Variants in DDX6 observed in about 807,000 individuals in gnomAD.
DDX6 encodes probable ATP-dependent RNA helicase DDX6.
A neutral mutation model predicts 60.6 loss-of-function variants in DDX6; 7 were observed. That is an observed-to-expected ratio of 0.12 (90% CI 0.07 to 0.22). The LOEUF is 0.22. Ranked by LOEUF, DDX6 falls within the 10% of genes least tolerant of loss-of-function variation. DDX6 has a pLI of 1.00. For missense variants in DDX6, 270 were observed against 589.9 expected, an observed-to-expected ratio of 0.46 and a Z score of 5.62; for synonymous variants, 207 against 201.0, an observed-to-expected ratio of 1.03 and a Z score of -0.25.
Position 118,748,769 on chromosome 11 carries a change from AACC to A in DDX6, c.*3333_*3335del, listed in dbSNP as rs1248799930. 6.6e-6 allele frequency: 1 copy of A among 151,480 alleles called. No homozygotes were observed. The highest frequency in any genetic ancestry group is 1.5e-5 in the Non-Finnish European group (1 of 67,876). The allele number at this position is 151,480 out of a possible 1,614,324, so 9.4% of individuals were successfully genotyped here. ...ATTAAAAAAAAAAATTAAAAAATTA[AACC>A]ACGTCATCAGAATGAGATGTTTTGA... On this transcript the variant is annotated 3_prime_UTR_variant, in exon 14 of 14. Transcript: ENST00000534980.
chr11:118,787,031 A>C (rs1862097555), intron 1 of DDX6: 1 of 152,158 alleles, frequency 6.6e-6, no homozygotes, highest in Non-Finnish European at 1.5e-5. Flanking sequence ...TGCCCTTACA[A>C]ATTTCAACTA....
chr11:118,755,524 T>A (rs782058280), intron 11 of DDX6, 21 bp from the exon 12 acceptor site: 2 of 1,337,034 alleles, frequency 1.5e-6, no homozygotes, highest in South Asian at 2.4e-5. Flanking sequence ...AAAAGATAAT[T>A]TTCATTTTTT....
At chr11:118,758,444 G>A (rs1398422973) in intron 9 of DDX6, among the ~76,000 whole-genome samples, 1 of 152,004 alleles carries the variant, frequency 6.6e-6, no homozygotes, top group Non-Finnish European at 1.5e-5. Flanking sequence ...TGCAATCTCA[G>A]CTCACTGCAG....
intron 3 of DDX6, among the ~76,000 whole-genome samples, chr11:118,780,806 T>C (rs1348397090): frequency 6.6e-6 from 1 of 152,224 alleles, no homozygotes; most frequent in Non-Finnish European, 1.5e-5. Flanking sequence ...AAATTCTTTG[T>C]TGTAAAGGGC....
intron 4 of DDX6, among the ~76,000 whole-genome samples, chr11:118,770,973 A>G (rs187991344): frequency 6.6e-6 from 1 of 152,284 alleles, no homozygotes; most frequent in East Asian, 1.9e-4. Flanking sequence ...ATTAAGGTAA[A>G]GCAAACAAAG....
At chr11:118,757,987 C>G (rs1362137082) in intron 9 of DDX6, among the ~76,000 whole-genome samples, 2 of 152,096 alleles carry the variant, frequency 1.3e-5, no homozygotes, top group Non-Finnish European at 2.9e-5. Flanking sequence ...GTGAAATCAG[C>G]AACAAAAACT....
intron 13 of DDX6, among the ~76,000 whole-genome samples, chr11:118,752,658 T>C (rs1434686157): frequency 6.6e-6 from 1 of 152,174 alleles, no homozygotes; most frequent in African/African-American, 2.4e-5. Context: ...GTTACTTAAA[T>C]AGGTAAGATG....
chr11:118,762,518 G>A (rs1228634269), intron 7 of DDX6, among the ~76,000 whole-genome samples: 8 of 151,766 alleles, frequency 5.3e-5, no homozygotes, highest in Middle Eastern at 3.4e-3. Flanking sequence ...CACCTGCAAC[G>A]CCGTATACTG....
intron 9 of DDX6, among the ~76,000 whole-genome samples, 182 bp from the exon 10 acceptor site, chr11:118,757,469 C>G (rs1861016404): frequency 6.6e-6 from 1 of 151,980 alleles, no homozygotes; most frequent in African/African-American, 2.4e-5. Context: ...ATAATAATAT[C>G]TAAGATTTAC....
At chr11:118,760,820 T>C (rs1293998474) in intron 7 of DDX6, among the ~76,000 whole-genome samples, 3 of 83,342 alleles carry the variant, frequency 3.6e-5, no homozygotes, top group Admixed American at 1.6e-4. Flanking sequence ...GACTACTCCG[T>C]CTCAAAAAAA....
chr11:118,765,201 T>C lies in DDX6; in HGVS notation c.646+8A>G, dbSNP rs1861310535. 1.2e-6 allele frequency: 2 copies of C among 1,612,064 alleles called. No individual in the cohort carries two copies. Among genetic ancestry groups the C allele is most frequent in the East Asian group, 4.5e-5 (2 of 44,876 alleles). On this transcript the variant is annotated splice_region_variant and intron_variant, in intron 6 of 13. Transcript: ENST00000534980. ...GAGCTACACTACCTTTTAGTAATCA[T>C]TTCTTACCTGTATCATCAAGCCTCA...
chr11:118,779,497 C>A, intron 4 of DDX6, 135 bp downstream of exon 4: 1 of 566,172 alleles, frequency 1.8e-6, no homozygotes, highest in Non-Finnish European at 3.1e-6. Flanking sequence ...CTAATTTACC[C>A]TTAAAAATTT....
chr11:118,782,539 A>C (rs1861933945), intron 2 of DDX6, among the ~76,000 whole-genome samples: 1 of 152,142 alleles, frequency 6.6e-6, no homozygotes, highest in African/African-American at 2.4e-5. Flanking sequence ...CTCCATTCAC[A>C]GACAAAAAGA....
At chr11:118,774,102 T>A in intron 4 of DDX6, among the ~76,000 whole-genome samples, 1 of 152,126 alleles carries the variant, frequency 6.6e-6, no homozygotes, top group Non-Finnish European at 1.5e-5. Context: ...ATCAACTACT[T>A]CTCATTTCTT....
At chr11:118,752,268 G>A (rs1487619438) in intron 13 of DDX6, among the ~76,000 whole-genome samples, 171 bp from the exon 14 acceptor site, 2 of 152,148 alleles carry the variant, frequency 1.3e-5, no homozygotes, top group African/African-American at 2.4e-5. Flanking sequence ...AGGCAACCCT[G>A]AGATAGATTG....
At chr11:118,755,308 G>A in intron 12 of DDX6, 94 bp downstream of exon 12, 1 of 711,072 alleles carries the variant, frequency 1.4e-6, no homozygotes, top group Non-Finnish European at 2.5e-6. Context: ...TGTTCTCATA[G>A]CTACTGTACT....
intron 4 of DDX6, among the ~76,000 whole-genome samples, chr11:118,770,815 G>C (rs1475811657): frequency 6.6e-6 from 1 of 151,340 alleles, no homozygotes; most frequent in East Asian, 1.9e-4. Context: ...CCAGGAGGAG[G>C]AGGTTGCAGT....
At chr11:118,776,637 A>T (rs1555163654) in intron 4 of DDX6, among the ~76,000 whole-genome samples, 1 of 152,128 alleles carries the variant, frequency 6.6e-6, no homozygotes, top group African/African-American at 2.4e-5. Flanking sequence ...GATCGAGACC[A>T]TCCTGGCTAA....
intron 12 of DDX6, 80 bp from the exon 13 acceptor site, chr11:118,754,967 A>C (rs1860915308): frequency 1.1e-5 from 13 of 1,218,210 alleles, no homozygotes; most frequent in Non-Finnish European, 1.5e-5. Flanking sequence ...CAGTGGCAAA[A>C]CCACACAGGA....
Sources: allele counts gnomAD v4.1 joint callset (sites outside exome capture counted in the v4.1 genomes callset), GRCh38; gene constraint gnomAD v4.1.1; transcripts MANE v1.5; gene names NCBI Gene and HGNC (gene_info 2026-07-23, HGNC 2026-07-21).